Variants in TRDN observed in about 807,000 individuals in gnomAD.
TRDN encodes the protein triadin in skeletal muscle.
Under a neutral mutation model 149.7 loss-of-function variants are expected in TRDN, and 161 were observed. The observed-to-expected ratio is 1.08, with a 90% confidence interval of 0.95 to 1.23. The LOEUF (loss-of-function observed/expected upper bound fraction) is 1.23, where lower values mean the gene tolerates loss of function less well. Among genes scored for constraint, TRDN ranks in the 50% most tolerant of loss-of-function variants. The pLI is 0.00. For synonymous variants in TRDN, 294 were observed against 250.5 expected, an observed-to-expected ratio of 1.17 and a Z score of -1.64; for missense variants, 896 against 823.5, an observed-to-expected ratio of 1.09 and a Z score of -1.08.
intron 6 of TRDN, among the ~76,000 whole-genome samples, chr6:123,514,503 AC>A (rs1315002059): frequency 6.6e-6 from 1 of 152,208 alleles, no homozygotes; most frequent in African/African-American, 2.4e-5. Flanking sequence ...ACATATGCAC[AC>A]ATGCATACAT....
At chr6:123,543,219 G>A (rs531876746) in intron 4 of TRDN, among the ~76,000 whole-genome samples, 29 of 152,102 alleles carry the variant, frequency 1.9e-4, no homozygotes, top group Non-Finnish European at 4.0e-4. Flanking sequence ...AAAATAACAT[G>A]TTGCATTGAT....
chr6:123,543,625 G>T (rs754329361), intron 4 of TRDN, among the ~76,000 whole-genome samples: 8 of 151,872 alleles, frequency 5.3e-5, no homozygotes, highest in African/African-American at 9.7e-5. Context: ...GCAAAACTCT[G>T]CATCCCTTCC....
chr6:123,575,666 G>A (rs1380628944), intron 1 of TRDN, among the ~76,000 whole-genome samples: 4 of 151,944 alleles, frequency 2.6e-5, no homozygotes, highest in Non-Finnish European at 5.9e-5. Flanking sequence ...AAGAAGTAGG[G>A]ATCTCACTTA....
intron 9 of TRDN, among the ~76,000 whole-genome samples, chr6:123,484,714 G>A (rs1031119573): frequency 4.6e-5 from 7 of 152,114 alleles, no homozygotes; most frequent in Admixed American, 3.9e-4. Context: ...TTCTCTCAAA[G>A]CAAAGATATA....
chr6:123,407,397 T>C (rs920734088), intron 12 of TRDN, among the ~76,000 whole-genome samples: 3 of 152,296 alleles, frequency 2.0e-5, no homozygotes, highest in East Asian at 1.9e-4. Context: ...CCCTCCAAAG[T>C]AAATACTATC....
Position 123,366,193 on chromosome 6 carries a change from A to G in TRDN, c.1274-11T>C. Reference sequence around the variant, plus strand: ...TGGCTCGTTCAGTTTCTGCAAGTTCAGATATTAAAGGAATGAGAAGTGGAT... The same window carrying G: ...TGGCTCGTTCAGTTTCTGCAAGTTCGGATATTAAAGGAATGAGAAGTGGAT... On this transcript the variant is annotated splice_polypyrimidine_tract_variant and intron_variant, in intron 19 of 40. Coordinates refer to ENST00000334268, the MANE Select transcript of TRDN (RefSeq NM_006073.4). The G allele has an allele frequency of 4.3e-6, 7 of 1,612,536 alleles. No homozygotes were observed. The highest frequency in any genetic ancestry group is 5.1e-6 in the Non-Finnish European group (6 of 1,178,974).
intron 1 of TRDN, among the ~76,000 whole-genome samples, chr6:123,614,289 A>T (rs1311479347): frequency 8.3e-6 from 1 of 120,626 alleles, no homozygotes; most frequent in Non-Finnish European, 1.6e-5. Context: ...GTGCTTCATT[A>T]AAAAAAAAAA....
At chr6:123,470,137 G>C (rs1399911284) in intron 9 of TRDN, 1 of 151,962 alleles carries the variant, frequency 6.6e-6, no homozygotes, top group East Asian at 2.0e-4. Flanking sequence ...AAATCTTTTA[G>C]TGTGTATTTT....
intron 1 of TRDN, among the ~76,000 whole-genome samples, chr6:123,598,854 GT>G (rs1400356627): frequency 2.0e-5 from 3 of 151,994 alleles, no homozygotes; most frequent in Admixed American, 2.0e-4. Flanking sequence ...AGTATTACAT[GT>G]TTTTTAAATT....
intron 1 of TRDN, among the ~76,000 whole-genome samples, chr6:123,625,304 G>C (rs1032350015): frequency 1.3e-5 from 2 of 152,040 alleles, no homozygotes; most frequent in Non-Finnish European, 2.9e-5. Flanking sequence ...GCACACCTTG[G>C]AGATACCATG....
chr6:123,481,164 C>T (rs1164869734), intron 9 of TRDN, among the ~76,000 whole-genome samples: 3 of 152,102 alleles, frequency 2.0e-5, no homozygotes, highest in African/African-American at 7.2e-5. Flanking sequence ...ATCCAAGACT[C>T]TCTCAACAAT....
intron 33 of TRDN, among the ~76,000 whole-genome samples, chr6:123,262,514 T>C (rs1055277263): frequency 6.6e-6 from 1 of 152,084 alleles, no homozygotes; most frequent in South Asian, 2.1e-4. Flanking sequence ...TCCAGTGTCA[T>C]AGACCTAAGA....
intron 1 of TRDN, among the ~76,000 whole-genome samples, chr6:123,603,184 A>C (rs1784360446): frequency 2.4e-5 from 1 of 40,904 alleles, no homozygotes. Context: ...CTAAACTAAG[A>C]TCACAGACAC....
At chr6:123,358,397 A>T (rs1402639200) in intron 20 of TRDN, among the ~76,000 whole-genome samples, 1 of 152,000 alleles carries the variant, frequency 6.6e-6, no homozygotes, top group Non-Finnish European at 1.5e-5. Context: ...AATACAATTG[A>T]CATCCCTCCC....
chr6:123,330,347 TA>T lies in TRDN; in HGVS notation c.1471+1531del, dbSNP rs1230136907. 4.6e-5 allele frequency among the ~76,000 whole-genome samples: 7 copies of T among 152,164 alleles called. No individual in the cohort carries two copies. In the East Asian group the frequency reaches 1.4e-3, roughly 29 times the overall value. Reference sequence around the variant, plus strand: ...AACCTAGAATTTATTTAAGATGAATTAATGTTTTGGTAAGTCCAGGATATTT... The same window carrying T: ...AACCTAGAATTTATTTAAGATGAATTATGTTTTGGTAAGTCCAGGATATTT... On this transcript the variant is annotated intron_variant, in intron 23 of 40. Coordinates refer to ENST00000334268, the MANE Select transcript of TRDN (RefSeq NM_006073.4).
At chr6:123,256,167 C>T (rs375533936) in intron 35 of TRDN, among the ~76,000 whole-genome samples, 6 of 152,072 alleles carry the variant, frequency 3.9e-5, no homozygotes, top group African/African-American at 1.4e-4. Context: ...TCAACTCCCA[C>T]GTTTGAGTGA....
intron 38 of TRDN, among the ~76,000 whole-genome samples, chr6:123,235,211 C>A (rs993410270): frequency 2.1e-4 from 32 of 152,036 alleles, no homozygotes; most frequent in Non-Finnish European, 7.4e-5. Flanking sequence ...GGATCAGTCT[C>A]TCAGATAGCC....
At chr6:123,619,780 A>T (rs759469571) in intron 1 of TRDN, among the ~76,000 whole-genome samples, 1 of 152,118 alleles carries the variant, frequency 6.6e-6, no homozygotes. Flanking sequence ...TTAAAAAATA[A>T]CTGAAGTTTA....
At chr6:123,447,497 T>C (rs893235521) in intron 10 of TRDN, among the ~76,000 whole-genome samples, 1 of 152,240 alleles carries the variant, frequency 6.6e-6, no homozygotes, top group African/African-American at 2.4e-5. Context: ...AACCTCAGAC[T>C]GAATCTAAAA....
Sources: gnomAD v4.1 joint callset for allele counts (sites outside exome capture counted in the v4.1 genomes callset) on GRCh38, gnomAD v4.1.1 for gene constraint, MANE v1.5 for transcripts, NCBI Gene and HGNC (gene_info 2026-07-23, HGNC 2026-07-21) for gene names.